MLPH: variants seen among roughly 807,000 people sequenced by gnomAD.
MLPH encodes the protein melanophilin, also known as exophilin-3.
In MLPH, 51 loss-of-function variants were observed where a neutral mutation model predicts 72.1. The observed-to-expected ratio is 0.71, with a 90% CI of 0.56 to 0.89. MLPH has a LOEUF of 0.89. Ranked by LOEUF, MLPH falls within the 40% of genes least tolerant of loss-of-function variation. MLPH has a pLI of 0.00. For synonymous variants in MLPH, 301 were observed against 310.1 expected (o/e 0.97, Z 0.31); for missense variants, 743 against 759.9 (o/e 0.98, Z 0.26).
chr2:237,497,169 TGCCGCTGACCTG>T (rs1332479536), intron 2 of MLPH, among the ~76,000 whole-genome samples: 1 of 152,172 alleles, frequency 6.6e-6, no homozygotes, highest in Non-Finnish European at 1.5e-5. Flanking sequence ...TATCTAACGC[TGCCGCTGACCTG>T]GCAGGAGGCG....
In MLPH at chr2:237,546,661, C is replaced by G; in HGVS notation, c.1595C>G (p.Ala532Gly). Residue 532 changes from alanine to glycine, a missense_variant, in exon 13 of 16, where the codon GCA becomes GGA. Physicochemically the swap from Ala to Gly is moderately conservative, Grantham distance 60 (BLOSUM62 0). Coordinates refer to ENST00000264605, the MANE Select transcript of MLPH (RefSeq NM_024101.7). ...GGCAAGAGACCAGAGGACCCAAATG[C>G]AGACCCTTCAAGTGAGGCCAAGGTA... ...KLGKRPEDPN[A>G]DPSSEAKAMA... is the part of the protein sequence containing the mutation. 6.2e-7 allele frequency: 1 copy of G among 1,614,170 alleles called. No individual in the cohort carries two copies. Among genetic ancestry groups the G allele is most frequent in the Non-Finnish European group, 8.5e-7 (1 of 1,179,998 alleles).
At chr2:237,518,850 C>T (rs760042870) in intron 5 of MLPH, among the ~76,000 whole-genome samples, 9 of 152,198 alleles carry the variant, frequency 5.9e-5, no homozygotes, top group Admixed American at 2.6e-4. Context: ...AGCAGTGCTT[C>T]CACCATCAGA....
At chr2:237,493,156 G>A (rs1031315804) in intron 1 of MLPH, among the ~76,000 whole-genome samples, 2 of 152,198 alleles carry the variant, frequency 1.3e-5, no homozygotes, top group Admixed American at 6.5e-5. Flanking sequence ...AGAGACCCGT[G>A]GCTGAGTGTG....
In MLPH at chr2:237,510,385, C is replaced by T; in HGVS notation, c.111-189C>T. 1.5e-6 allele frequency: 1 copy of T among 670,304 alleles called. No individual in the cohort carries two copies. Among genetic ancestry groups the T allele is most frequent in the East Asian group, 2.7e-5 (1 of 36,506 alleles). The allele number at this position is 670,304 out of a possible 1,614,324, so 41.5% of individuals were successfully genotyped here. On this transcript the variant is annotated intron_variant, in intron 2 of 15. Coordinates refer to ENST00000264605, the MANE Select transcript of MLPH (RefSeq NM_024101.7). The surrounding 1 kb of genome is among the most constrained non-coding windows in gnomAD (Gnocchi z 4.4). ...GCCACCAAAATTGCCCGTTTGAGCT[C>T]AGCCCTCAAAACAAAGATGCCTGTG...
At chr2:237,489,861 A>G (rs2079392691) in intron 1 of MLPH, among the ~76,000 whole-genome samples, 1 of 152,118 alleles carries the variant, frequency 6.6e-6, no homozygotes, top group Non-Finnish European at 1.5e-5. Flanking sequence ...TAAAGATGAC[A>G]CACTACTGGA....
At chr2:237,513,724 A>T (rs996828643) in intron 4 of MLPH, among the ~76,000 whole-genome samples, 1 of 152,052 alleles carries the variant, frequency 6.6e-6, no homozygotes, top group African/African-American at 2.4e-5. Context: ...TCACCCTGAC[A>T]GGTGGGTCCC....
rs2079334388 is a variant in MLPH, at chr2:237,487,275, C to G, written c.-187C>G. The G allele has an allele frequency of 6.6e-6, 1 of 152,306 alleles. No homozygotes were observed. The highest frequency in any genetic ancestry group is 2.4e-5 in the African/African-American group (1 of 41,470). 9.4% of individuals were successfully genotyped at this position (152,306 alleles called of 1,614,324 possible). ...CAGTTGCCCGCCTGCCCCGGAGAGC[C>G]AGGCGCTAACCAGCCGCTCTGCGCC... On this transcript the variant is annotated 5_prime_UTR_variant, in exon 1 of 16. Transcript: ENST00000264605.
chr2:237,554,706 CAA>C lies in MLPH; in HGVS notation c.*1115_*1116del, dbSNP rs1362395001. 2 of 152,188 alleles carry C rather than the reference CAA, an allele frequency of 1.3e-5. No individual in the cohort carries two copies. Among genetic ancestry groups the C allele is most frequent in the East Asian group, 1.9e-4 (1 of 5,192 alleles). The allele number at this position is 152,188 out of a possible 1,614,324, so 9.4% of individuals were successfully genotyped here. A position where few individuals can be genotyped will look rare whatever the true frequency, so the allele number is the denominator to read the frequency against. Reference sequence around the variant, plus strand: ...TTCTTTTAGAATCAAACAGTAGAGACAAGAGTCAAGCCTTGTGTCTTCAAGCA... The same window carrying C: ...TTCTTTTAGAATCAAACAGTAGAGACGAGTCAAGCCTTGTGTCTTCAAGCA... On this transcript the variant is annotated 3_prime_UTR_variant, in exon 16 of 16. Transcript: ENST00000264605.
At chr2:237,545,619 G>A in intron 12 of MLPH, 3 of 1,286,098 alleles carry the variant, frequency 2.3e-6, no homozygotes, top group Non-Finnish European at 3.0e-6. Context: ...GAGGGCGCGG[G>A]AGGCTCACAT....
At chr2:237,493,295 CAG>C in intron 1 of MLPH, 106 bp from the exon 2 acceptor site, 1 of 772,186 alleles carries the variant, frequency 1.3e-6, no homozygotes, top group East Asian at 2.5e-5. Flanking sequence ...CAAGTACAGA[CAG>C]ATGTCCTGAG....
At chr2:237,528,396 G>C (rs892818828) in intron 8 of MLPH, among the ~76,000 whole-genome samples, 3 of 151,506 alleles carry the variant, frequency 2.0e-5, no homozygotes, top group African/African-American at 7.3e-5. Context: ...TGTGGCCCAG[G>C]CTGGAGTGTA....
At chr2:237,529,258 G>A (rs543895932) in intron 8 of MLPH, among the ~76,000 whole-genome samples, 1 of 152,232 alleles carries the variant, frequency 6.6e-6, no homozygotes, top group South Asian at 2.1e-4. Context: ...GACCAGTCTG[G>A]TCTTGAACTC....
chr2:237,528,735 T>C (rs1201980849), intron 8 of MLPH, among the ~76,000 whole-genome samples: 1 of 152,172 alleles, frequency 6.6e-6, no homozygotes, highest in Non-Finnish European at 1.5e-5. Context: ...AAAAATCCCA[T>C]ACCCATGAAG....
chr2:237,522,549 C>T (rs1275234099), intron 6 of MLPH, among the ~76,000 whole-genome samples: 3 of 141,106 alleles, frequency 2.1e-5, no homozygotes, highest in Non-Finnish European at 4.7e-5. Flanking sequence ...CGGAGCAGGG[C>T]TGAGACTGGG....
rs899358441 is a variant in MLPH, at chr2:237,512,177, C to A, written c.445+1076C>A. ...TTGGGGCGTCCTCACCATGCCCCAGCCCAGGCGTCTCCCCCAGGCCTTCCT... is the reference window on the plus strand; with the variant it reads ...TTGGGGCGTCCTCACCATGCCCCAGACCAGGCGTCTCCCCCAGGCCTTCCT... On this transcript the variant is annotated intron_variant, in intron 4 of 15. Coordinates refer to ENST00000264605, the MANE Select transcript of MLPH (RefSeq NM_024101.7). The surrounding 1 kb of genome is among the most constrained non-coding windows in gnomAD (Gnocchi z 5.5). Among the ~76,000 whole-genome samples the A allele has an allele frequency of 2.0e-5, 3 of 152,214 alleles. No homozygotes were observed. Among genetic ancestry groups the A allele is most frequent in the Non-Finnish European group, 4.4e-5 (3 of 68,034 alleles).
rs1318117585 is a variant in MLPH, at chr2:237,505,837, C to G, written c.111-4737C>G. ...CTCTGTTCTGCCCCACCAGTCACAG[C>G]TCTGGCATGCGTGTCCCAGGGCCCT... On this transcript the variant is annotated intron_variant, in intron 2 of 15. Transcript: ENST00000264605. This position sits in a 1 kb window ranked among gnomAD's most constrained non-coding sequence, Gnocchi z 4.5. Among the ~76,000 whole-genome samples, 1 of 152,222 alleles carries G rather than the reference C, an allele frequency of 6.6e-6. No homozygotes were observed. Among genetic ancestry groups the G allele is most frequent in the Non-Finnish European group, 1.5e-5 (1 of 68,032 alleles).
Position 237,519,993 on chromosome 2 carries a change from C to T in MLPH, c.639C>T (p.His213=). 6.2e-7 allele frequency: 1 copy of T among 1,614,072 alleles called. No individual in the cohort carries two copies. Among genetic ancestry groups the T allele is most frequent in the Non-Finnish European group, 8.5e-7 (1 of 1,180,014 alleles). The change falls in exon 6 of 16, where the codon CAC becomes CAT. Residue 213 remains histidine (H), a synonymous_variant. Coordinates refer to ENST00000264605, the MANE Select transcript of MLPH (RefSeq NM_024101.7). ...DSTQPQGHSL[H]LSSVPEARDS... ...CTCAGCCTCAAGGTCACTCCCTGCA[C>T]CTGTCCTCAGTCCCTGAGGCCAGGG...
intron 6 of MLPH, among the ~76,000 whole-genome samples, chr2:237,520,422 C>T (rs946268063): frequency 3.3e-5 from 5 of 151,806 alleles, no homozygotes; most frequent in South Asian, 2.1e-4. Flanking sequence ...CCTACATCTC[C>T]GTCTTACTGG....
intron 9 of MLPH, among the ~76,000 whole-genome samples, chr2:237,539,665 C>T (rs948870533): frequency 6.6e-6 from 1 of 152,152 alleles, no homozygotes; most frequent in African/African-American, 2.4e-5. Flanking sequence ...GGAACTAGAC[C>T]CTTTAAGGAC....
Sources: gnomAD v4.1 joint callset for allele counts (sites outside exome capture counted in the v4.1 genomes callset) on GRCh38, gnomAD v4.1.1 for gene constraint, Gnocchi (gnomAD v3.1) non-coding constraint, MANE v1.5 for transcripts, NCBI Gene and HGNC (gene_info 2026-07-23, HGNC 2026-07-21) for gene names.